Variants in DST observed in about 807,000 individuals in gnomAD.
DST encodes the protein bullous pemphigoid antigen.
DST carries 253 observed loss-of-function variants against 875.2 expected under a neutral mutation model. The ratio of observed to expected loss-of-function variants is 0.29; its 90% CI spans 0.26 to 0.32. The LOEUF (loss-of-function observed/expected upper bound fraction) is 0.32, where lower values mean the gene tolerates loss of function less well. DST is among the 10% of genes least tolerant of loss of function. DST has a pLI of 1.00. For synonymous variants in DST, 3,124 were observed against 3,197.1 expected, an observed-to-expected ratio of 0.98 and a Z score of 0.77; for missense variants, 8,287 against 9,111.6, an observed-to-expected ratio of 0.91 and a Z score of 3.68.
At chr6:56,851,129 C>A (rs1764997595) in intron 4 of DST, 1 of 502,010 alleles carries the variant, frequency 2.0e-6, no homozygotes, top group Non-Finnish European at 3.6e-6. Context: ...AAGTTTAGTG[C>A]AAATGTCTGT....
intron 49 of DST, among the ~76,000 whole-genome samples, chr6:56,585,348 T>C (rs1338582860): frequency 6.6e-6 from 1 of 152,252 alleles, no homozygotes. Flanking sequence ...GAGGAATTTA[T>C]CCATTTCTTC....
At chr6:56,867,511 T>C (rs976301221) in intron 3 of DST, among the ~76,000 whole-genome samples, 1 of 152,156 alleles carries the variant, frequency 6.6e-6, no homozygotes, top group Non-Finnish European at 1.5e-5. Flanking sequence ...GAAATAATGA[T>C]AGTCATTTAT....
intron 64 of DST, 21 bp from the exon 65 acceptor site, chr6:56,530,154 C>T (rs571708314): frequency 6.5e-7 from 1 of 1,537,666 alleles, no homozygotes; most frequent in African/African-American, 1.4e-5. Flanking sequence ...GCCAAAAGGT[C>T]ATTTAGGGAT....
At chr6:56,574,642 T>G (rs1474696571) in intron 50 of DST, among the ~76,000 whole-genome samples, 2 of 151,740 alleles carry the variant, frequency 1.3e-5, no homozygotes, top group African/African-American at 4.8e-5. Flanking sequence ...AGATTCAAGA[T>G]GCTAAAAAAA....
intron 9 of DST, among the ~76,000 whole-genome samples, chr6:56,676,319 CA>C (rs2152835776): frequency 6.6e-6 from 1 of 152,300 alleles, no homozygotes; most frequent in South Asian, 2.1e-4. Context: ...CTACCTGCCT[CA>C]GCTGCCCAAA....
rs59394529 is a variant in DST at position 56,774,113 on chromosome 6, CAAAAAAA to C, written c.626-38831_626-38825del. On this transcript the variant is annotated intron_variant, in intron 4 of 103. Transcript: ENST00000680361. ...TGGGCAACAGAGTGAGATTCTGTCT[CAAAAAAA>C]AAAAAAAAAAAAGAATTTATCTCAG... Among the ~76,000 whole-genome samples, 80 of 76,176 alleles carry C rather than the reference CAAAAAAA, an allele frequency of 1.1e-3. 1 individual carries two copies. The highest frequency in any genetic ancestry group is 3.4e-3 in the African/African-American group (76 of 22,424). 50.0% of individuals were successfully genotyped at this position (76,176 alleles called of 152,430 possible). A position where few individuals can be genotyped will look rare whatever the true frequency, so the allele number is the denominator to read the frequency against.
At chr6:56,582,686 C>G (rs1045538301) in intron 49 of DST, among the ~76,000 whole-genome samples, 13 of 151,478 alleles carry the variant, frequency 8.6e-5, no homozygotes, top group African/African-American at 2.9e-4. Context: ...TGCTGGTGTG[C>G]TGCACCCATT....
chr6:56,921,225 T>C (rs916199901), intron 2 of DST, among the ~76,000 whole-genome samples: 1 of 152,324 alleles, frequency 6.6e-6, no homozygotes, highest in East Asian at 1.9e-4. Flanking sequence ...GTTTATTATC[T>C]AGAAAAGCTC....
intron 2 of DST, among the ~76,000 whole-genome samples, chr6:56,916,311 C>T (rs1029435826): frequency 7.9e-5 from 12 of 152,190 alleles, no homozygotes; most frequent in African/African-American, 2.9e-4. Context: ...CACACACCCT[C>T]CCCAGAGTTC....
At chr6:56,490,314 A>G (rs553325043) in intron 85 of DST, among the ~76,000 whole-genome samples, 23 of 152,264 alleles carry the variant, frequency 1.5e-4, no homozygotes, top group Admixed American at 4.6e-4. Context: ...TTTTGAGCAC[A>G]GTTTCTTTTC....
At chr6:56,893,089 T>C (rs1011945996) in intron 3 of DST, among the ~76,000 whole-genome samples, 1 of 152,206 alleles carries the variant, frequency 6.6e-6, no homozygotes, top group Non-Finnish European at 1.5e-5. Flanking sequence ...TTGTGAGATT[T>C]TGGTGCACCC....
At chr6:56,854,621 T>C (rs1415495279) in intron 3 of DST, among the ~76,000 whole-genome samples, 3 of 152,360 alleles carry the variant, frequency 2.0e-5, no homozygotes, top group Non-Finnish European at 4.4e-5. Context: ...CGATTATCTT[T>C]GGGTGATGAC....
rs2098574590 is a variant in DST, at chr6:56,613,652, C to T, written c.5058+704G>A. Among the ~76,000 whole-genome samples the T allele has an allele frequency of 2.0e-5, 3 of 152,296 alleles. No individual in the cohort carries two copies. The Middle Eastern group carries it at 0.01, about 518-fold the overall frequency. ...TTTTAATACAGCAGCAATCCCACTG[C>T]TATCACCAGCGGCAGCAATACTAAA... is the stretch of plus-strand genomic sequence containing the variant. On this transcript the variant is annotated intron_variant, in intron 37 of 103. Transcript: ENST00000680361.
intron 3 of DST, among the ~76,000 whole-genome samples, chr6:56,857,575 CATTT>C (rs1271876415): frequency 3.9e-5 from 6 of 152,148 alleles, no homozygotes; most frequent in Non-Finnish European, 7.4e-5. Context: ...CTCTGCTATT[CATTT>C]ATTAATAATG....
chr6:56,649,484 A>G (rs2098962192), intron 12 of DST, among the ~76,000 whole-genome samples: 1 of 152,180 alleles, frequency 6.6e-6, no homozygotes, highest in Admixed American at 6.5e-5. Context: ...AGAATCAGGC[A>G]AGCATATCTG....
intron 2 of DST, among the ~76,000 whole-genome samples, chr6:56,921,263 A>C (rs144279341): frequency 3.9e-5 from 6 of 152,298 alleles, no homozygotes; most frequent in African/African-American, 1.4e-4. Context: ...AAATCTGAAA[A>C]TAGAGTTTTC....
At chr6:56,599,932 G>A in intron 45 of DST, 137 bp downstream of exon 45, 1 of 711,372 alleles carries the variant, frequency 1.4e-6, no homozygotes, top group Non-Finnish European at 2.2e-6. Context: ...TAAAGCTCAA[G>A]CCCAGGGCGT....
intron 86 of DST, among the ~76,000 whole-genome samples, chr6:56,488,449 C>A (rs114885028): frequency 0.025 from 3,844 of 152,286 alleles, 74 homozygotes; most frequent in Non-Finnish European, 0.043. Context: ...TGTCACTGTG[C>A]TCCCAATATT....
chr6:56,890,049 G>A (rs1562301700), intron 3 of DST, among the ~76,000 whole-genome samples: 2 of 152,234 alleles, frequency 1.3e-5, no homozygotes, highest in South Asian at 2.1e-4. Context: ...CAGGAAGGCT[G>A]ATGAGGATAA....
Sources: gnomAD v4.1 joint callset for allele counts (sites outside exome capture counted in the v4.1 genomes callset) on GRCh38, gnomAD v4.1.1 for gene constraint, MANE v1.5 for transcripts, NCBI Gene and HGNC (gene_info 2026-07-23, HGNC 2026-07-21) for gene names.